DCT: variants seen among roughly 807,000 people sequenced by gnomAD.
DCT encodes the protein dopachrome tautomerase, also known as L-dopachrome tautomerase.
DCT carries 47 observed loss-of-function variants against 53.0 expected under a neutral mutation model. That is an observed-to-expected ratio of 0.89 (90% CI 0.70 to 1.13). The LOEUF is 1.13. Ranked by LOEUF, DCT falls within the 50% of genes most tolerant of loss-of-function variation. DCT has a pLI of 0.00. For synonymous variants in DCT, 244 were observed against 237.0 expected, an observed-to-expected ratio of 1.03 and a Z score of -0.27; for missense variants, 669 against 637.4, an observed-to-expected ratio of 1.05 and a Z score of -0.53.
At chr13:94,461,320 T>A (rs1883773145) in intron 5 of DCT, among the ~76,000 whole-genome samples, 2 of 152,144 alleles carry the variant, frequency 1.3e-5, no homozygotes, top group South Asian at 4.1e-4. Flanking sequence ...GATTTTGAGA[T>A]GTGCTTAAAT....
At chr13:94,460,009 C>G in intron 6 of DCT, 82 bp downstream of exon 6, 1 of 1,370,598 alleles carries the variant, frequency 7.3e-7, no homozygotes, top group Non-Finnish European at 1.0e-6. Flanking sequence ...GAATAAAACA[C>G]CATCAAACAT....
chr13:94,521,497 C>T, the DCT span, among the ~76,000 whole-genome samples: 2 of 152,160 alleles, frequency 1.3e-5, no homozygotes, highest in Non-Finnish European at 2.9e-5. Context: ...GGGTGAACCC[C>T]CGTCTTTGCT....
chr13:94,518,660 C>A, the DCT span, among the ~76,000 whole-genome samples: 1 of 152,174 alleles, frequency 6.6e-6, no homozygotes, highest in Non-Finnish European at 1.5e-5. Flanking sequence ...GGGACAATAG[C>A]CTCTGCACAC....
intron 1 of DCT, among the ~76,000 whole-genome samples, chr13:94,472,558 ATATATATATATTTTTTTTTTTTTTTTTTT>A (rs1884792967): frequency 4.1e-5 from 1 of 24,392 alleles, no homozygotes; most frequent in Non-Finnish European, 6.4e-5. Flanking sequence ...ATATATATAT[ATATATATATATTTTTTTTTTTTTTTTTTT>A]TTTTTTTTTT....
At chr13:94,448,539 A>G (rs1453483941) in intron 6 of DCT, among the ~76,000 whole-genome samples, 1 of 152,244 alleles carries the variant, frequency 6.6e-6, no homozygotes, top group Non-Finnish European at 1.5e-5. Context: ...AATGTTAAAT[A>G]CAAGTTAATA....
rs1267345506 is a variant in DCT, at chr13:94,437,232, C to T, written c.*2666G>A. On this transcript the variant is annotated 3_prime_UTR_variant, in exon 8 of 8. Coordinates refer to ENST00000377028, the MANE Select transcript of DCT (RefSeq NM_001922.5). Reference sequence around the variant, plus strand: ...TTACATGTATATATATTTCAATATACATGCTGAGTGCCCAAAAGATGGGAA... The same window carrying T: ...TTACATGTATATATATTTCAATATATATGCTGAGTGCCCAAAAGATGGGAA... The T allele has an allele frequency of 6.6e-6, 1 of 152,126 alleles. No individual in the cohort carries two copies. The highest frequency in any genetic ancestry group is 1.5e-5 in the Non-Finnish European group (1 of 68,012). The allele number at this position is 152,126 out of a possible 1,614,324, so 9.4% of individuals were successfully genotyped here.
At chr13:94,522,025 GC>G in the DCT span, among the ~76,000 whole-genome samples, 1 of 152,234 alleles carries the variant, frequency 6.6e-6, no homozygotes, top group Non-Finnish European at 1.5e-5. Flanking sequence ...CTTTCACTTA[GC>G]CCAGTGTCTT....
the DCT span, among the ~76,000 whole-genome samples, chr13:94,547,084 T>G: frequency 6.6e-6 from 1 of 151,544 alleles, no homozygotes; most frequent in Non-Finnish European, 1.5e-5. Flanking sequence ...TTAGCCCTCT[T>G]CCAAGTGTAC....
the DCT span, among the ~76,000 whole-genome samples, chr13:94,491,153 ACAAACTGAGTGCCT>A: frequency 6.6e-6 from 1 of 152,176 alleles, no homozygotes; most frequent in African/African-American, 2.4e-5. Context: ...TAAAGCTTCC[ACAAACTGAGTGCCT>A]CAAACAATAA....
the DCT span, among the ~76,000 whole-genome samples, chr13:94,509,161 T>C: frequency 1.3e-5 from 2 of 152,190 alleles, no homozygotes; most frequent in Non-Finnish European, 2.9e-5. Context: ...AACCAGTGCA[T>C]TGCTGTCAGT....
the DCT span, among the ~76,000 whole-genome samples, chr13:94,544,720 T>C: frequency 6.6e-6 from 1 of 152,228 alleles, no homozygotes; most frequent in Non-Finnish European, 1.5e-5. Flanking sequence ...GAAGTTTTAT[T>C]TCTGGCCAAG....
At chr13:94,520,708 G>C in the DCT span, among the ~76,000 whole-genome samples, 1 of 152,012 alleles carries the variant, frequency 6.6e-6, no homozygotes, top group Non-Finnish European at 1.5e-5. Flanking sequence ...AAGGTGGGTA[G>C]AGAAAAAAAA....
the DCT span, among the ~76,000 whole-genome samples, chr13:94,487,901 G>A: frequency 1.3e-5 from 2 of 151,746 alleles, no homozygotes; most frequent in African/African-American, 2.4e-5. Context: ...GGTATGAATT[G>A]TTCTTCAGAG....
At chr13:94,501,456 G>A in the DCT span, among the ~76,000 whole-genome samples, 1 of 152,178 alleles carries the variant, frequency 6.6e-6, no homozygotes, top group South Asian at 2.1e-4. Flanking sequence ...GTCCTTTCTA[G>A]TCACCATCTG....
At chr13:94,508,603 CA>C in the DCT span, among the ~76,000 whole-genome samples, 61 of 152,092 alleles carry the variant, frequency 4.0e-4, no homozygotes, top group African/African-American at 1.5e-3. Flanking sequence ...GAGAAGTTTC[CA>C]ATTGGAGGAG....
At chr13:94,502,747 G>A in the DCT span, among the ~76,000 whole-genome samples, 3 of 151,208 alleles carry the variant, frequency 2.0e-5, no homozygotes, top group Non-Finnish European at 4.4e-5. Context: ...AATCTTTCTC[G>A]TCTACTAGCC....
At chr13:94,533,644 G>C in the DCT span, among the ~76,000 whole-genome samples, 1 of 152,174 alleles carries the variant, frequency 6.6e-6, no homozygotes, top group East Asian at 1.9e-4. Flanking sequence ...AATCAGCCGG[G>C]TGTGGTGGTG....
upstream of DCT, among the ~76,000 whole-genome samples, chr13:94,484,460 C>T (rs548158904): frequency 4.6e-5 from 7 of 152,332 alleles, no homozygotes; most frequent in Middle Eastern, 3.4e-3. Flanking sequence ...CTCTTCTATT[C>T]GTATGGAATT....
chr13:94,442,412 T>C (rs1882391440), intron 7 of DCT, among the ~76,000 whole-genome samples: 1 of 152,146 alleles, frequency 6.6e-6, no homozygotes, highest in African/African-American at 2.4e-5. Context: ...GCTCAAGCGA[T>C]TCTTCCACCT....
Sources: gnomAD v4.1 joint callset for allele counts (sites outside exome capture counted in the v4.1 genomes callset) on GRCh38, gnomAD v4.1.1 for gene constraint, MANE v1.5 for transcripts, NCBI Gene and HGNC (gene_info 2026-07-23, HGNC 2026-07-21) for gene names.